MIX23: variants seen among roughly 807,000 people sequenced by gnomAD.
The protein encoded by MIX23 is protein MIX23.
In MIX23, 13 loss-of-function variants were observed where a neutral mutation model predicts 21.6. That is an observed-to-expected ratio of 0.60 (90% CI 0.39 to 0.96). MIX23 has a LOEUF of 0.96. MIX23 is among the 40% of genes least tolerant of loss of function. MIX23 has a pLI of 0.00. For synonymous variants in MIX23, 59 were observed against 58.0 expected, an observed-to-expected ratio of 1.02 and a Z score of -0.08; for missense variants, 144 against 171.2, an observed-to-expected ratio of 0.84 and a Z score of 0.89.
At chr3:122,373,069 T>C in intron 1 of MIX23, 1 of 378,872 alleles carries the variant, frequency 2.6e-6, no homozygotes, top group Non-Finnish European at 5.1e-6. Flanking sequence ...TATTATTACT[T>C]TCATTTTAGA....
chr3:122,372,961 A>AAT, intron 1 of MIX23: 1 of 388,916 alleles, frequency 2.6e-6, no homozygotes, highest in Non-Finnish European at 5.1e-6. Flanking sequence ...TTTTTCCCTC[A>AAT]ATATACTATG....
Position 122,380,692 on chromosome 3 carries a change from C to G in MIX23, c.51+2482G>C, listed in dbSNP as rs1419643142. On this transcript the variant is annotated intron_variant, in intron 1 of 4. Coordinates refer to ENST00000291458, the MANE Select transcript of MIX23 (RefSeq NM_001017928.4). Reference sequence around the variant, plus strand: ...ATATGCCATGTTAAGAAGTTTATATCTAGTCATATGAACCCAAAACTCAAA... The same window carrying G: ...ATATGCCATGTTAAGAAGTTTATATGTAGTCATATGAACCCAAAACTCAAA... Among the ~76,000 whole-genome samples the G allele has an allele frequency of 1.3e-5, 2 of 152,166 alleles. 1 individual carries two copies. The highest frequency in any genetic ancestry group is 3.9e-4 in the East Asian group (2 of 5,188).
At chr3:122,364,333 A>G (rs554930274) in intron 3 of MIX23, among the ~76,000 whole-genome samples, 1 of 152,310 alleles carries the variant, frequency 6.6e-6, no homozygotes, top group East Asian at 1.9e-4. Context: ...GAAGCCCACC[A>G]ATGCAACCTA....
chr3:122,374,693 C>G (rs1218961735), intron 1 of MIX23, among the ~76,000 whole-genome samples: 1 of 152,086 alleles, frequency 6.6e-6, no homozygotes, highest in Non-Finnish European at 1.5e-5. Context: ...ATGTGTCAGG[C>G]ACCATTCAAA....
intron 4 of MIX23, among the ~76,000 whole-genome samples, chr3:122,361,526 A>G (rs1273469130): frequency 3.9e-5 from 6 of 152,188 alleles, no homozygotes; most frequent in Non-Finnish European, 7.3e-5. Context: ...TTTTAAAACA[A>G]GTAGGGGCCT....
chr3:122,376,100 T>C (rs921985053), intron 1 of MIX23, among the ~76,000 whole-genome samples: 11 of 139,196 alleles, frequency 7.9e-5, no homozygotes, highest in African/African-American at 1.9e-4. Flanking sequence ...GAGGCAGAGG[T>C]TGCAGTGAGC....
At chr3:122,367,194 T>G (rs1220724325) in intron 3 of MIX23, among the ~76,000 whole-genome samples, 1 of 151,548 alleles carries the variant, frequency 6.6e-6, no homozygotes, top group Non-Finnish European at 1.5e-5. Flanking sequence ...GTGAAGAGAA[T>G]GAACTGTAAA....
rs565020291 is a variant in MIX23, at chr3:122,373,999, T to C, written c.52-2199A>G. Among the ~76,000 whole-genome samples the C allele has an allele frequency of 7.9e-5, 12 of 151,786 alleles. No homozygotes were observed. In the South Asian group the frequency reaches 2.3e-3, roughly 29 times the overall value. ...ATATGTATTGTGCTTAAGTGGTAAA[T>C]TCCAAACAAATGATGGCAGTACTAT... is the stretch of plus-strand genomic sequence containing the variant. On this transcript the variant is annotated intron_variant, in intron 1 of 4. Coordinates refer to ENST00000291458, the MANE Select transcript of MIX23 (RefSeq NM_001017928.4).
intron 2 of MIX23, among the ~76,000 whole-genome samples, chr3:122,369,306 T>C (rs1422790805): frequency 6.6e-6 from 1 of 152,236 alleles, no homozygotes; most frequent in African/African-American, 2.4e-5. Flanking sequence ...ATTTCTAAAA[T>C]GAGTGCTTCA....
chr3:122,362,215 A>G (rs941173965), intron 4 of MIX23, among the ~76,000 whole-genome samples: 2 of 152,218 alleles, frequency 1.3e-5, no homozygotes, highest in African/African-American at 4.8e-5. Flanking sequence ...GTAAAACTAC[A>G]TATAATAACA....
At chr3:122,382,655 T>TTA (rs2075542757) in intron 1 of MIX23, among the ~76,000 whole-genome samples, 2 of 152,304 alleles carry the variant, frequency 1.3e-5, no homozygotes, top group South Asian at 4.1e-4. Flanking sequence ...CCTCTAAATA[T>TTA]TACATCTTCT....
Position 122,371,664 on chromosome 3 carries a change from A to C in MIX23, c.177+11T>G. 1 of 1,611,074 alleles carries C rather than the reference A, an allele frequency of 6.2e-7. No homozygotes were observed. The highest frequency in any genetic ancestry group is 8.5e-7 in the Non-Finnish European group (1 of 1,179,536). ...CATGAAAGAAGCAAAAGACTCAAAA[A>C]ATACACTTACAGACTCATAAAGTTG... is the stretch of plus-strand genomic sequence containing the variant. On this transcript the variant is annotated intron_variant, in intron 2 of 4. Coordinates refer to ENST00000291458, the MANE Select transcript of MIX23 (RefSeq NM_001017928.4).
chr3:122,363,991 C>T (rs12488155), intron 3 of MIX23, among the ~76,000 whole-genome samples: 89,827 of 151,948 alleles, frequency 0.59, 26,855 homozygotes, highest in East Asian at 0.69. Context: ...AACACCAGGA[C>T]GATTTCCTCA....
In MIX23 at chr3:122,371,787, A is replaced by C; in HGVS notation, c.65T>G (p.Val22Gly). Reference sequence around the variant, plus strand: ...TATTCTGTCATCAATTGTCCTCATCACCTTGAGTAATTCCTATATGTATTT... The same window carrying C: ...TATTCTGTCATCAATTGTCCTCATCCCCTTGAGTAATTCCTATATGTATTT... ...EFAEFQELLK[V>G]MRTIDDRIVH... The change falls in exon 2 of 5, where the codon GTG (valine) becomes GGG (glycine). Residue 22 changes from valine to glycine, a missense_variant. Val to Gly is a moderately radical substitution (Grantham distance 109). Transcript: ENST00000291458. 1 of 1,600,212 alleles carries C rather than the reference A, an allele frequency of 6.2e-7. No individual in the cohort carries two copies.
intron 1 of MIX23, among the ~76,000 whole-genome samples, chr3:122,382,323 G>C (rs1273119745): frequency 6.6e-6 from 1 of 152,164 alleles, no homozygotes. Flanking sequence ...AAATTACCCG[G>C]GCGTGGTGAC....
At chr3:122,381,729 A>T (rs764349959) in intron 1 of MIX23, among the ~76,000 whole-genome samples, 229 of 24,422 alleles carry the variant, frequency 9.4e-3, no homozygotes, top group Non-Finnish European at 0.017. Context: ...AAAAAAAAAT[A>T]AAAAAAAAAA....
chr3:122,381,814 T>C (rs1467478266), intron 1 of MIX23, among the ~76,000 whole-genome samples: 3 of 150,450 alleles, frequency 2.0e-5, no homozygotes, highest in Non-Finnish European at 4.4e-5. Context: ...GATAGTGACA[T>C]AGAGAAGACA....
In MIX23 at chr3:122,368,209, C is replaced by G. The variant is rs546627046; in HGVS notation, c.291G>C (p.Thr97=). The change falls in exon 3 of 5, where the codon ACG becomes ACC. Residue 97 remains threonine (T), a synonymous_variant. Transcript: ENST00000291458. ...EEREKNLDDL[T]LLKQLRKEQT... ...GCTCTTTTCTAAGTTGTTTTAATAA[C>G]GTTAAATCGTCCAAATTCTTTTCTC... is the stretch of plus-strand genomic sequence containing the variant. 3 of 1,610,066 alleles carry G rather than the reference C, an allele frequency of 1.9e-6. No individual in the cohort carries two copies. Among genetic ancestry groups the G allele is most frequent in the Non-Finnish European group, 2.5e-6 (3 of 1,179,568 alleles).
chr3:122,372,104 T>TA (rs1337683576), intron 1 of MIX23, among the ~76,000 whole-genome samples: 3 of 152,002 alleles, frequency 2.0e-5, no homozygotes, highest in African/African-American at 7.3e-5. Context: ...GCAAACAGTG[T>TA]ATGCTCCTTC....
Sources: allele counts gnomAD v4.1 joint callset (sites outside exome capture counted in the v4.1 genomes callset), GRCh38; gene constraint gnomAD v4.1.1; transcripts MANE v1.5; gene names NCBI Gene and HGNC (gene_info 2026-07-23, HGNC 2026-07-21).